The following PTPRT variants were observed in gnomAD, a reference collection of about 807,000 sequenced individuals.
PTPRT encodes receptor-type tyrosine-protein phosphatase T.
Under a neutral mutation model 176.8 loss-of-function variants are expected in PTPRT, and 56 were observed. The ratio of observed to expected loss-of-function variants is 0.32; its 90% confidence interval spans 0.26 to 0.40. The LOEUF is 0.40. PTPRT is among the 10% of genes least tolerant of loss of function. PTPRT has a pLI of 1.00. For missense variants in PTPRT, 1,540 were observed against 1,908.2 expected (o/e 0.81, Z 3.60); for synonymous variants, 783 against 739.0 (o/e 1.06, Z -0.96).
At chr20:42,968,273 C>G (rs1982417638) in intron 1 of PTPRT, among the ~76,000 whole-genome samples, 1 of 152,320 alleles carries the variant, frequency 6.6e-6, no homozygotes, top group Non-Finnish European at 1.5e-5. Flanking sequence ...GGCCACCTGA[C>G]TCCACTCATC....
intron 1 of PTPRT, among the ~76,000 whole-genome samples, chr20:42,891,818 A>G (rs1372167818): frequency 6.6e-6 from 1 of 152,202 alleles, no homozygotes; most frequent in East Asian, 1.9e-4. Context: ...ATATCTGTAT[A>G]TATATTAACG....
intron 7 of PTPRT, among the ~76,000 whole-genome samples, chr20:42,486,004 C>G (rs1420208785): frequency 2.0e-5 from 3 of 152,182 alleles, no homozygotes; most frequent in Non-Finnish European, 2.9e-5. Flanking sequence ...AAGAATGGAA[C>G]CCCAGTAGAA....
intron 9 of PTPRT, among the ~76,000 whole-genome samples, chr20:42,381,163 T>C (rs2058695182): frequency 6.6e-6 from 1 of 152,248 alleles, no homozygotes; most frequent in Admixed American, 6.5e-5. Flanking sequence ...ACCTCCAGCA[T>C]TGGGGATTAC....
chr20:42,857,221 G>A (rs1331962374), intron 2 of PTPRT, among the ~76,000 whole-genome samples: 1 of 152,150 alleles, frequency 6.6e-6, no homozygotes, highest in African/African-American at 2.4e-5. Context: ...CTAAAGAGTA[G>A]GGGTTAGAAC....
chr20:42,853,652 C>G (rs891165208), intron 2 of PTPRT, among the ~76,000 whole-genome samples: 6 of 152,310 alleles, frequency 3.9e-5, no homozygotes, highest in Non-Finnish European at 7.4e-5. Context: ...TGGTAGACTT[C>G]TTTACTAAGT....
intron 1 of PTPRT, among the ~76,000 whole-genome samples, chr20:42,891,263 C>T (rs1479933767): frequency 6.6e-6 from 1 of 152,144 alleles, no homozygotes; most frequent in Non-Finnish European, 1.5e-5. Context: ...TACCCCCATC[C>T]CAGGAGCTGG....
At chr20:43,146,558 C>CAAA (rs11324602) in intron 1 of PTPRT, among the ~76,000 whole-genome samples, 1 of 144,160 alleles carries the variant, frequency 6.9e-6, no homozygotes. Context: ...ACTTCTGAAC[C>CAAA]AAAAAAAAAA....
intron 7 of PTPRT, among the ~76,000 whole-genome samples, chr20:42,665,676 C>A (rs1335785843): frequency 2.0e-5 from 3 of 152,018 alleles, no homozygotes; most frequent in Non-Finnish European, 4.4e-5. Context: ...CACAATAGCA[C>A]AGACTTGGAA....
intron 2 of PTPRT, among the ~76,000 whole-genome samples, chr20:42,873,995 T>C (rs1568651313): frequency 6.7e-6 from 1 of 149,832 alleles, no homozygotes. Flanking sequence ...ACCTGTTTCT[T>C]TACTAAGGAA....
At chr20:42,342,810 A>G (rs1270683775) in intron 11 of PTPRT, among the ~76,000 whole-genome samples, 1 of 152,308 alleles carries the variant, frequency 6.6e-6, no homozygotes, top group East Asian at 1.9e-4. Flanking sequence ...GAAATCTGGC[A>G]ATCGTTTGCT....
In PTPRT at chr20:43,096,524, T is replaced by C. The variant is rs376644055; in HGVS notation, c.88+93122A>G. ...TCAGCAGCTGGGCCCCTCCTCCTCC[T>C]GGGGCTCCTGACAGAGGGGGTTCCT... On this transcript the variant is annotated intron_variant, in intron 1 of 30. Transcript: ENST00000373187. Among the ~76,000 whole-genome samples the C allele has an allele frequency of 1.3e-4, 20 of 152,300 alleles. No homozygotes were observed. In the East Asian group the frequency reaches 3.5e-3, roughly 26 times the overall value.
intron 1 of PTPRT, among the ~76,000 whole-genome samples, chr20:42,993,637 C>T (rs1337907109): frequency 6.7e-6 from 1 of 150,270 alleles, no homozygotes; most frequent in African/African-American, 2.5e-5. Flanking sequence ...CATATGAATA[C>T]AATTAAAATA....
intron 1 of PTPRT, among the ~76,000 whole-genome samples, chr20:42,960,756 G>A (rs1981939699): frequency 6.6e-6 from 1 of 152,088 alleles, no homozygotes; most frequent in African/African-American, 2.4e-5. Flanking sequence ...AGCAGCAGCT[G>A]CCAGAGTGAT....
At chr20:42,202,312 GA>G (rs983318260) in intron 15 of PTPRT, among the ~76,000 whole-genome samples, 4 of 152,110 alleles carry the variant, frequency 2.6e-5, no homozygotes, top group African/African-American at 9.7e-5. Context: ...ATAATTTGGA[GA>G]AACATGTAGC....
At chr20:42,174,536 G>A (rs1032498577) in intron 16 of PTPRT, among the ~76,000 whole-genome samples, 1 of 152,180 alleles carries the variant, frequency 6.6e-6, no homozygotes, top group African/African-American at 2.4e-5. Context: ...ATCACTTAAA[G>A]GAAAACTTGG....
At chr20:43,004,899 C>T (rs566038170) in intron 1 of PTPRT, among the ~76,000 whole-genome samples, 7 of 152,028 alleles carry the variant, frequency 4.6e-5, no homozygotes, top group African/African-American at 9.7e-5. Flanking sequence ...TTTTACATGA[C>T]GATGATGAAA....
At chr20:42,430,825 T>C (rs180800443) in intron 9 of PTPRT, among the ~76,000 whole-genome samples, 1 of 152,238 alleles carries the variant, frequency 6.6e-6, no homozygotes, top group Admixed American at 6.5e-5. Flanking sequence ...GCTCTGAGAG[T>C]ATCATGAAAG....
chr20:42,626,491 G>A (rs1002083893), intron 7 of PTPRT, among the ~76,000 whole-genome samples: 5 of 152,276 alleles, frequency 3.3e-5, no homozygotes, highest in South Asian at 2.1e-4. Flanking sequence ...TTTTGCAAGC[G>A]TAGAAAATCA....
At chr20:42,868,603 C>T (rs116736875) in intron 2 of PTPRT, among the ~76,000 whole-genome samples, 357 of 152,212 alleles carry the variant, frequency 2.3e-3, no homozygotes, top group African/African-American at 7.6e-3. Context: ...CTGGCCAGGA[C>T]ATAAAGGTAT....
Sources: allele counts gnomAD v4.1 joint callset (sites outside exome capture counted in the v4.1 genomes callset), GRCh38; gene constraint gnomAD v4.1.1; transcripts MANE v1.5; gene names NCBI Gene and HGNC (gene_info 2026-07-23, HGNC 2026-07-21).